DPP6: variants seen among roughly 807,000 people sequenced by gnomAD.
DPP6 encodes the protein A-type potassium channel modulatory protein DPP6.
Under a neutral mutation model 122.6 loss-of-function variants are expected in DPP6, and 69 were observed. That is an observed-to-expected ratio of 0.56 (90% CI 0.46 to 0.69). DPP6 has a LOEUF of 0.69. Ranked by LOEUF, DPP6 falls within the 30% of genes least tolerant of loss-of-function variation. DPP6 has a pLI of 0.00. For missense variants in DPP6, 928 were observed against 1,116.9 expected, an observed-to-expected ratio of 0.83 and a Z score of 2.41; for synonymous variants, 418 against 433.1, an observed-to-expected ratio of 0.97 and a Z score of 0.43.
chr7:154,313,751 A>ACACACACACACACACACATACACC (rs147976247), intron 1 of DPP6, among the ~76,000 whole-genome samples: 2 of 45,262 alleles, frequency 4.4e-5, no homozygotes, highest in African/African-American at 1.3e-4. Flanking sequence ...ACACACACAC[A>ACACACACACACACACACATACACC]CCCTTACATA....
In DPP6 at chr7:154,019,700, T is replaced by C. The variant is rs1798607719; in HGVS notation, c.51+131966T>C. Among the ~76,000 whole-genome samples, 6 of 152,336 alleles carry C rather than the reference T, an allele frequency of 3.9e-5. No individual in the cohort carries two copies. The South Asian group carries it at 1.2e-3, about 32-fold the overall frequency. On this transcript the variant is annotated intron_variant, in intron 1 of 25. Coordinates refer to the DPP6 transcript ENST00000404039. ...GTATCAAGAAGAAACACTTTTATAA[T>C]GTGGCTGTCCCCAAATTCTAAAGAT... is the stretch of plus-strand genomic sequence containing the variant.
the DPP6 span, among the ~76,000 whole-genome samples, chr7:153,866,372 G>A: frequency 3.3e-5 from 5 of 152,176 alleles, no homozygotes; most frequent in Admixed American, 6.5e-5. Flanking sequence ...GTATCTCATT[G>A]TGGTTTTGAT....
At chr7:154,311,481 A>G (rs1158090430) in intron 1 of DPP6, among the ~76,000 whole-genome samples, 1 of 149,834 alleles carries the variant, frequency 6.7e-6, no homozygotes, top group African/African-American at 2.5e-5. Context: ...TGGGCAATGG[A>G]GTGAAACCCT....
intron 1 of DPP6, among the ~76,000 whole-genome samples, chr7:154,314,467 C>T (rs1807255045): frequency 2.0e-5 from 3 of 152,190 alleles, no homozygotes; most frequent in Admixed American, 2.0e-4. Context: ...CTTATAGCCC[C>T]TCTTGCCCAG....
intron 1 of DPP6, among the ~76,000 whole-genome samples, chr7:153,945,665 C>T (rs2129018600): frequency 6.6e-6 from 1 of 152,216 alleles, no homozygotes; most frequent in South Asian, 2.1e-4. Flanking sequence ...AAGTAAAGGT[C>T]TTATTCATGT....
intron 1 of DPP6, among the ~76,000 whole-genome samples, chr7:154,363,108 A>C (rs1811872089): frequency 6.6e-6 from 1 of 152,182 alleles, no homozygotes; most frequent in Non-Finnish European, 1.5e-5. Context: ...GAGGGTTTCC[A>C]AAGCTCTCCC....
At chr7:153,786,612 A>G in the DPP6 span, among the ~76,000 whole-genome samples, 367 of 151,030 alleles carry the variant, frequency 2.4e-3, no homozygotes, top group African/African-American at 7.4e-3. Context: ...GGTGGCGCGC[A>G]CCTGTAGTCC....
chr7:154,827,646 A>C (rs1800266097), intron 16 of DPP6, among the ~76,000 whole-genome samples: 1 of 141,238 alleles, frequency 7.1e-6, no homozygotes, highest in Non-Finnish European at 1.5e-5. Flanking sequence ...GGTGTCTCCC[A>C]GAAAGGACGG....
chr7:154,226,767 AT>A (rs933974806), intron 1 of DPP6, among the ~76,000 whole-genome samples: 6 of 152,122 alleles, frequency 3.9e-5, no homozygotes, highest in Non-Finnish European at 7.3e-5. Context: ...TTATTTGCTT[AT>A]TTTTGGTGGT....
At chr7:154,633,312 C>T (rs1296466636) in intron 5 of DPP6, among the ~76,000 whole-genome samples, 1 of 152,204 alleles carries the variant, frequency 6.6e-6, no homozygotes, top group East Asian at 1.9e-4. Flanking sequence ...CCTCAGTTCA[C>T]TGCAACCTCC....
upstream of DPP6, among the ~76,000 whole-genome samples, chr7:153,884,999 T>C (rs957724233): frequency 1.2e-3 from 173 of 143,440 alleles, 5 homozygotes; most frequent in East Asian, 0.012. Context: ...TATATATATA[T>C]ATATATATAT....
chr7:154,484,138 A>T (rs1047970693), intron 3 of DPP6, among the ~76,000 whole-genome samples: 2 of 152,196 alleles, frequency 1.3e-5, no homozygotes, highest in African/African-American at 2.4e-5. Flanking sequence ...TATATGGCAA[A>T]TACCCTCTTA....
intron 1 of DPP6, among the ~76,000 whole-genome samples, chr7:154,059,839 CAG>C (rs1410929219): frequency 6.6e-6 from 1 of 151,312 alleles, no homozygotes; most frequent in Non-Finnish European, 1.5e-5. Context: ...AACAACTAGA[CAG>C]GGTTGCTAAA....
intron 1 of DPP6, among the ~76,000 whole-genome samples, chr7:154,429,404 G>T (rs1818175509): frequency 6.6e-6 from 1 of 152,146 alleles, no homozygotes; most frequent in African/African-American, 2.4e-5. Flanking sequence ...CCTTTCAAGG[G>T]AAGAAAACTT....
chr7:153,864,429 T>A, the DPP6 span, among the ~76,000 whole-genome samples: 1 of 151,952 alleles, frequency 6.6e-6, no homozygotes, highest in African/African-American at 2.4e-5. Context: ...CTGAGGCAGG[T>A]GGATCACCTG....
At chr7:154,805,241 G>A (rs543011956) in intron 15 of DPP6, among the ~76,000 whole-genome samples, 30 of 152,242 alleles carry the variant, frequency 2.0e-4, no homozygotes, top group African/African-American at 6.3e-4. Context: ...ACTTTAACCC[G>A]TCTTTCCTTT....
chr7:154,455,752 C>T (rs868810754), intron 2 of DPP6, among the ~76,000 whole-genome samples: 17 of 152,088 alleles, frequency 1.1e-4, no homozygotes, highest in African/African-American at 2.4e-4. Flanking sequence ...TATTCACACT[C>T]GTGTTAAGAC....
the DPP6 span, among the ~76,000 whole-genome samples, chr7:153,874,014 C>T: frequency 3.9e-5 from 6 of 152,156 alleles, no homozygotes; most frequent in Non-Finnish European, 5.9e-5. Context: ...TTCCTCAGGA[C>T]GAAAGCCCAG....
chr7:153,992,071 A>AT (rs1237595762), intron 1 of DPP6, among the ~76,000 whole-genome samples: 12 of 152,262 alleles, frequency 7.9e-5, no homozygotes, highest in African/African-American at 2.6e-4. Flanking sequence ...CATTAAATGC[A>AT]TTTATAAGGG....
Sources: gnomAD v4.1 joint callset for allele counts (sites outside exome capture counted in the v4.1 genomes callset) on GRCh38, gnomAD v4.1.1 for gene constraint, MANE v1.5 for transcripts, NCBI Gene and HGNC (gene_info 2026-07-23, HGNC 2026-07-21) for gene names.